The following FGF13 variants were observed in gnomAD, a reference collection of about 807,000 sequenced individuals.
FGF13 encodes the protein fibroblast growth factor 13, also known as fibroblast growth factor homologous factor 2.
In FGF13, 2 loss-of-function variants were observed where a neutral mutation model predicts 19.5. That is an observed-to-expected ratio of 0.10 (90% CI 0.04 to 0.32). The LOEUF (loss-of-function observed/expected upper bound fraction) is 0.32. Ranked by LOEUF, FGF13 falls within the 10% of genes least tolerant of loss-of-function variation. The probability of loss-of-function intolerance (pLI) is 1.00; values close to 1 mark genes in which losing one functional copy is unlikely to be tolerated. For missense variants in FGF13, 113 were observed against 192.7 expected (o/e 0.59, Z 2.45); for synonymous variants, 72 against 76.9 (o/e 0.94, Z 0.33).
chrX:139,013,380 G>A (rs2092137940), intron 1 of FGF13, among the ~76,000 whole-genome samples: 1 of 105,772 alleles, frequency 9.5e-6, no homozygotes, highest in African/African-American at 3.5e-5. Context: ...ATATGAAAAA[G>A]ATACTTGCAC....
chrX:138,805,056 G>C (rs17001798), intron 3 of FGF13, among the ~76,000 whole-genome samples: 5,042 of 111,436 alleles, frequency 0.045, 242 homozygotes, highest in African/African-American at 0.14. Context: ...TTCTTGACAC[G>C]AATCAAATTG....
At chrX:138,921,971 C>CA (rs35464038) in intron 1 of FGF13, among the ~76,000 whole-genome samples, 2,822 of 67,478 alleles carry the variant, frequency 0.042, 97 homozygotes, top group Middle Eastern at 0.06. Flanking sequence ...TTATGGAACT[C>CA]AAAAAAAAAA....
chrX:138,779,832 C>T (rs1412072812), intron 3 of FGF13, among the ~76,000 whole-genome samples: 9 of 105,328 alleles, frequency 8.5e-5, no homozygotes, highest in Admixed American at 3.1e-4. Context: ...AGATACTCCC[C>T]GAGAAGAGCA....
At chrX:138,879,958 C>A (rs1323754616) in intron 1 of FGF13, among the ~76,000 whole-genome samples, 1 of 111,347 alleles carries the variant, frequency 9.0e-6, no homozygotes, top group Non-Finnish European at 1.9e-5. Context: ...ATCCAGAATG[C>A]ACAAATAACT....
chrX:139,054,754 C>A (rs2092315092), intron 1 of FGF13, among the ~76,000 whole-genome samples: 1 of 111,523 alleles, frequency 9.0e-6, no homozygotes, highest in African/African-American at 3.3e-5. Context: ...TTTCTTTCAG[C>A]AGCATTTTGT....
At chrX:138,840,004 T>C (rs916136254) in intron 3 of FGF13, among the ~76,000 whole-genome samples, 2 of 111,919 alleles carry the variant, frequency 1.8e-5, no homozygotes, top group Non-Finnish European at 3.8e-5. Context: ...CTGGCCCAGA[T>C]TGCACTTTAG....
intron 1 of FGF13, among the ~76,000 whole-genome samples, chrX:138,945,695 A>G (rs974053731): frequency 9.0e-6 from 1 of 110,610 alleles, no homozygotes; most frequent in Non-Finnish European, 1.9e-5. Flanking sequence ...GATTCAGTGG[A>G]TTAGAGACAT....
intron 3 of FGF13, among the ~76,000 whole-genome samples, chrX:138,665,214 TCTC>T (rs2089528885): frequency 9.0e-6 from 1 of 111,251 alleles, no homozygotes; most frequent in South Asian, 3.8e-4. Context: ...GCTGTCTGCT[TCTC>T]CTTGAACCTG....
At chrX:139,058,278 A>G (rs1348376230) in intron 1 of FGF13, among the ~76,000 whole-genome samples, 1 of 111,929 alleles carries the variant, frequency 8.9e-6, no homozygotes, top group African/African-American at 3.2e-5. Context: ...TGTGGCTGGC[A>G]CTCTGGGTAT....
intron 3 of FGF13, among the ~76,000 whole-genome samples, chrX:138,817,659 C>T (rs990718564): frequency 8.1e-5 from 9 of 111,797 alleles, no homozygotes; most frequent in Non-Finnish European, 1.7e-4. Flanking sequence ...CACTCAAAGA[C>T]AGCACAATGA....
chrX:138,819,602 G>A (rs975509398), intron 3 of FGF13, among the ~76,000 whole-genome samples: 9 of 111,287 alleles, frequency 8.1e-5, no homozygotes, highest in Middle Eastern at 4.7e-3. Context: ...TCAGAATTCC[G>A]CTTTTTAAAT....
chrX:138,642,895 T>C (rs1464505607), intron 3 of FGF13, among the ~76,000 whole-genome samples: 1 of 112,410 alleles, frequency 8.9e-6, no homozygotes. Context: ...ATACACAGGT[T>C]AATTAGCAAC....
intron 1 of FGF13, among the ~76,000 whole-genome samples, chrX:139,099,434 G>A (rs2083493522): frequency 9.5e-6 from 1 of 104,743 alleles, no homozygotes; most frequent in Non-Finnish European, 2.0e-5. Context: ...AACTCTACTT[G>A]CTAAGCCTCA....
intron 1 of FGF13, among the ~76,000 whole-genome samples, chrX:139,139,726 G>A (rs2083827898): frequency 1.8e-5 from 2 of 111,924 alleles, no homozygotes; most frequent in Non-Finnish European, 3.8e-5. Context: ...AGAACTACAT[G>A]CTAAGCAATA....
At chrX:138,997,053 C>A (rs1374936947) in intron 1 of FGF13, among the ~76,000 whole-genome samples, 1 of 112,165 alleles carries the variant, frequency 8.9e-6, no homozygotes, top group Non-Finnish European at 1.9e-5. Flanking sequence ...TGGGAGTGGA[C>A]CTCCAGCAAA....
At position 138,956,703 on chromosome X, in the gene FGF13, G is replaced by A. The variant is rs761574906; in HGVS notation, c.-112-92053C>T. Among the ~76,000 whole-genome samples the A allele has an allele frequency of 5.0e-4, 56 of 111,442 alleles. 1 individual carries two copies. Among genetic ancestry groups the A allele is most frequent in the African/African-American group, 1.7e-3 (53 of 30,655 alleles). On this transcript the variant is annotated intron_variant, in intron 1 of 2. Transcript: ENST00000421460. ...CTCTGAGCGACGTAGGGGTGTGCAT[G>A]ACTCAGTCTCTCCCTTCTTTTTACC...
In FGF13 at chrX:139,133,975, G is replaced by A. The variant is rs1446433225; in HGVS notation, c.-113+69441C>T. 3.6e-5 allele frequency among the ~76,000 whole-genome samples: 4 copies of A among 111,401 alleles called. No individual in the cohort carries two copies. The Admixed American group carries it at 3.8e-4, about 11-fold the overall frequency. ...AAGTCTCCATTAAGTCTATCGATCAGGCCACACTTGTCTTCCATCTTGGAT... is the reference window on the plus strand; with the variant it reads ...AAGTCTCCATTAAGTCTATCGATCAAGCCACACTTGTCTTCCATCTTGGAT... On this transcript the variant is annotated intron_variant, in intron 1 of 2. Transcript: ENST00000421460.
At chrX:138,786,021 T>C (rs903034867) in intron 3 of FGF13, among the ~76,000 whole-genome samples, 5 of 112,281 alleles carry the variant, frequency 4.5e-5, no homozygotes, top group African/African-American at 1.3e-4. Context: ...ACCAATTCTG[T>C]CTACTTTTGT....
intron 2 of FGF13, among the ~76,000 whole-genome samples, chrX:138,860,155 G>A (rs1470609959): frequency 7.2e-5 from 8 of 111,674 alleles, no homozygotes; most frequent in Non-Finnish European, 1.1e-4. Flanking sequence ...AACACATTAC[G>A]CTGGCTTATA....
Sources: gnomAD v4.1 joint callset for allele counts (sites outside exome capture counted in the v4.1 genomes callset) on GRCh38, gnomAD v4.1.1 for gene constraint, MANE v1.5 for transcripts, NCBI Gene and HGNC (gene_info 2026-07-23, HGNC 2026-07-21) for gene names.